The following CFTR variants were observed in gnomAD, a reference collection of about 807,000 sequenced individuals.
CFTR encodes cystic fibrosis transmembrane conductance regulator.
Under a neutral mutation model 171.6 loss-of-function variants are expected in CFTR, and 181 were observed. That is an observed-to-expected ratio of 1.05 (90% confidence interval 0.93 to 1.19). CFTR has a LOEUF of 1.19. Among genes scored for constraint, CFTR ranks in the 50% most tolerant of loss-of-function variants. The pLI, the probability that CFTR is intolerant of heterozygous loss-of-function variation, is 0.00. For synonymous variants in CFTR, 583 were observed against 608.0 expected (o/e 0.96, Z 0.60); for missense variants, 1,968 against 1,734.7 (o/e 1.13, Z -2.39).
chr7:117,668,164 A>G lies in CFTR; in HGVS notation c.*1056A>G, dbSNP rs1168735184. On this transcript the variant is annotated 3_prime_UTR_variant, in exon 27 of 27. Coordinates refer to ENST00000003084, the MANE Select transcript of CFTR (RefSeq NM_000492.4). ...AGAATGAGAGACACACTGAAGAAGC[A>G]CCAATCATGAATTAGTTTTATATGC... 6.6e-6 allele frequency: 1 copy of G among 152,200 alleles called. No individual in the cohort carries two copies. The highest frequency in any genetic ancestry group is 1.5e-5 in the Non-Finnish European group (1 of 68,040). The allele number at this position is 152,200 out of a possible 1,614,324, so 9.4% of individuals were successfully genotyped here.
rs542644497 is a variant in CFTR at position 117,635,119 on chromosome 7, C to A, written c.3718-7319C>A. ...AGTTTTATCAACTTCTGCTTCATGT[C>A]TTTTGATGCTTTGTTGCTAGAAACA... On this transcript the variant is annotated intron_variant, in intron 22 of 26. Transcript: ENST00000003084. 2.0e-5 allele frequency among the ~76,000 whole-genome samples: 3 copies of A among 152,168 alleles called. No homozygotes were observed. The South Asian group carries it at 6.2e-4, about 32-fold the overall frequency.
chr7:117,540,742 A>G (rs893693104), intron 8 of CFTR, among the ~76,000 whole-genome samples: 6 of 152,208 alleles, frequency 3.9e-5, no homozygotes, highest in African/African-American at 1.2e-4. Context: ...AACCCAGAAA[A>G]TAAGTCACTG....
chr7:117,612,035 A>ATATATATG (rs1554392409), intron 20 of CFTR, among the ~76,000 whole-genome samples: 2 of 74,242 alleles, frequency 2.7e-5, no homozygotes, highest in African/African-American at 6.1e-5. Flanking sequence ...ATATATATAT[A>ATATATATG]TATATATATA....
intron 11 of CFTR, among the ~76,000 whole-genome samples, chr7:117,560,989 T>C (rs1465702068): frequency 6.6e-6 from 1 of 152,086 alleles, no homozygotes; most frequent in Admixed American, 6.5e-5. Context: ...GTATGTGTTT[T>C]CCCATAGGAA....
At chr7:117,539,697 C>T (rs747007525) in intron 7 of CFTR, among the ~76,000 whole-genome samples, 2 of 151,736 alleles carry the variant, frequency 1.3e-5, no homozygotes, top group Non-Finnish European at 2.9e-5. Flanking sequence ...CATTTCCATA[C>T]TTAATTACTT....
intron 11 of CFTR, among the ~76,000 whole-genome samples, chr7:117,579,353 A>G (rs1306711100): frequency 6.6e-6 from 1 of 151,982 alleles, no homozygotes; most frequent in Non-Finnish European, 1.5e-5. Flanking sequence ...AATTTTGTTA[A>G]TTGGAACTTA....
At chr7:117,525,202 G>T (rs1398716929) in intron 3 of CFTR, among the ~76,000 whole-genome samples, 1 of 152,220 alleles carries the variant, frequency 6.6e-6, no homozygotes, top group Non-Finnish European at 1.5e-5. Context: ...CCAGGTTTGT[G>T]ATTAGTTTGG....
At chr7:117,657,070 G>C (rs1793195436) in intron 24 of CFTR, among the ~76,000 whole-genome samples, 1 of 152,176 alleles carries the variant, frequency 6.6e-6, no homozygotes, top group African/African-American at 2.4e-5. Flanking sequence ...TCTTTGATAT[G>C]ACTTCAGAGA....
chr7:117,542,847 C>G (rs1799079720), intron 9 of CFTR, among the ~76,000 whole-genome samples: 1 of 152,150 alleles, frequency 6.6e-6, no homozygotes, highest in South Asian at 2.1e-4. Context: ...TTAGGTAAAA[C>G]ATTCATCAGA....
chr7:117,625,515 C>A (rs535035450), intron 21 of CFTR, among the ~76,000 whole-genome samples: 92 of 152,154 alleles, frequency 6.0e-4, no homozygotes, highest in African/African-American at 2.2e-3. Flanking sequence ...ATTTAGATAG[C>A]AACAGTTAAA....
intron 15 of CFTR, among the ~76,000 whole-genome samples, chr7:117,600,953 AG>A (rs1462921742): frequency 6.6e-6 from 1 of 152,086 alleles, no homozygotes; most frequent in Non-Finnish European, 1.5e-5. Context: ...GAAGCAGTTT[AG>A]GTTGGTAGTT....
chr7:117,589,287 C>T (rs1165040172), intron 12 of CFTR, among the ~76,000 whole-genome samples: 7 of 151,898 alleles, frequency 4.6e-5, no homozygotes, highest in Non-Finnish European at 1.0e-4. Flanking sequence ...TGCATACTGT[C>T]TTCAAAAATA....
chr7:117,485,182 G>T (rs1584766431), intron 1 of CFTR, among the ~76,000 whole-genome samples: 1 of 152,290 alleles, frequency 6.6e-6, no homozygotes, highest in Middle Eastern at 3.4e-3. Flanking sequence ...TAATTTCAGT[G>T]TGATAGAGCT....
chr7:117,486,989 G>A lies in CFTR; in HGVS notation c.53+6842G>A, dbSNP rs118103386. Reference sequence around the variant, plus strand: ...TTAGTAGTTGAAGGTGAAGGAAAGAGAAGAGTTAAGGATAACATCTATATT... The same window carrying A: ...TTAGTAGTTGAAGGTGAAGGAAAGAAAAGAGTTAAGGATAACATCTATATT... On this transcript the variant is annotated intron_variant, in intron 1 of 26. Coordinates refer to ENST00000003084, the MANE Select transcript of CFTR (RefSeq NM_000492.4). Among the ~76,000 whole-genome samples, 952 of 151,998 alleles carry A rather than the reference G, an allele frequency of 6.3e-3. 4 individuals carry two copies. Among genetic ancestry groups the A allele is most frequent in the Middle Eastern group, 0.01 (3 of 294 alleles).
chr7:117,600,661 T>C (rs542470479), intron 15 of CFTR, among the ~76,000 whole-genome samples: 1 of 152,172 alleles, frequency 6.6e-6, no homozygotes, highest in Admixed American at 6.5e-5. Flanking sequence ...TAGGGTGTCA[T>C]TTGACTTGTG....
chr7:117,482,785 C>T (rs1210799043), intron 1 of CFTR, among the ~76,000 whole-genome samples: 1 of 152,210 alleles, frequency 6.6e-6, no homozygotes, highest in Non-Finnish European at 1.5e-5. Flanking sequence ...TGTCTCTTCT[C>T]TCATGCCCTG....
At chr7:117,583,319 C>G (rs546574850) in intron 11 of CFTR, among the ~76,000 whole-genome samples, 7 of 151,896 alleles carry the variant, frequency 4.6e-5, no homozygotes, top group African/African-American at 7.3e-5. Flanking sequence ...TTTTATCCCC[C>G]CCCCGCTCCA....
At chr7:117,659,962 C>CA (rs1458693781) in intron 24 of CFTR, among the ~76,000 whole-genome samples, 1 of 151,860 alleles carries the variant, frequency 6.6e-6, no homozygotes, top group Non-Finnish European at 1.5e-5. Context: ...ACTCTTGCTC[C>CA]ATAATAACAT....
intron 1 of CFTR, among the ~76,000 whole-genome samples, chr7:117,491,570 T>C (rs952858744): frequency 6.6e-6 from 1 of 152,048 alleles, no homozygotes; most frequent in Non-Finnish European, 1.5e-5. Context: ...CTTCTGGTGG[T>C]TTGCTAGAAA....
Sources: allele counts gnomAD v4.1 joint callset (sites outside exome capture counted in the v4.1 genomes callset), GRCh38; gene constraint gnomAD v4.1.1; transcripts MANE v1.5; gene names NCBI Gene and HGNC (gene_info 2026-07-23, HGNC 2026-07-21).